PAPSS1: variants seen among roughly 807,000 people sequenced by gnomAD.
PAPSS1 encodes the protein bifunctional 3'-phosphoadenosine 5'-phosphosulfate synthase 1.
A neutral mutation model predicts 72.0 loss-of-function variants in PAPSS1; 50 were observed. The observed-to-expected ratio is 0.69, with a 90% CI of 0.55 to 0.88. PAPSS1 has a LOEUF of 0.88. Among genes scored for constraint, PAPSS1 ranks in the 40% least tolerant of loss-of-function variants. The pLI, the probability that PAPSS1 is intolerant of heterozygous loss-of-function variation, is 0.00. For synonymous variants in PAPSS1, 261 were observed against 263.6 expected, an observed-to-expected ratio of 0.99 and a Z score of 0.09; for missense variants, 657 against 782.2, an observed-to-expected ratio of 0.84 and a Z score of 1.91.
At position 107,645,070 on chromosome 4, in the gene PAPSS1, T is replaced by A. The variant is rs551616651; in HGVS notation, c.1238A>T (p.Asp413Val). The A allele has an allele frequency of 6.7e-7, 1 of 1,500,492 alleles. No individual in the cohort carries two copies. Among genetic ancestry groups the A allele is most frequent in the East Asian group, 2.4e-5 (1 of 41,804 alleles). 92.9% of individuals were successfully genotyped at this position (1,500,492 alleles called of 1,614,324 possible). A position where few individuals can be genotyped will look rare whatever the true frequency, so the allele number is the denominator to read the frequency against. Residue 413 changes from aspartate (D) to valine (V), a missense_variant and splice_region_variant, in exon 10 of 12, where the codon GAT becomes GTT. This residue lies in a region of PAPSS1 where 166 missense variants were observed against 228.3 expected (regional missense o/e 0.73). Transcript: ENST00000265174. ...LKQKFKDMNADAVFAFQLRNP... is the reference protein window; with the variant it reads ...LKQKFKDMNAVAVFAFQLRNP... ...GCGTAGTTGAAATGCAAAGACAGCA[T>A]CTGAAAAGAGAATTTCCAGAGTTAA...
At chr4:107,697,124 T>C (rs1465593553) in intron 2 of PAPSS1, among the ~76,000 whole-genome samples, 1 of 152,190 alleles carries the variant, frequency 6.6e-6, no homozygotes, top group Non-Finnish European at 1.5e-5. Flanking sequence ...CAAGCAGGTG[T>C]ACCAGCCACT....
chr4:107,615,824 AT>A (rs1277083947), intron 11 of PAPSS1, among the ~76,000 whole-genome samples: 1 of 152,182 alleles, frequency 6.6e-6, no homozygotes, highest in African/African-American at 2.4e-5. Flanking sequence ...CTATGATGGG[AT>A]TAATCCCCTT....
At chr4:107,619,163 G>GA (rs1281701946) in intron 11 of PAPSS1, among the ~76,000 whole-genome samples, 1 of 152,092 alleles carries the variant, frequency 6.6e-6, no homozygotes, top group African/African-American at 2.4e-5. Flanking sequence ...TAACTTTTTG[G>GA]AAAAAAGCCA....
chr4:107,699,250 T>G (rs911520497), intron 2 of PAPSS1, among the ~76,000 whole-genome samples: 1 of 151,216 alleles, frequency 6.6e-6, no homozygotes, highest in African/African-American at 2.4e-5. Context: ...TTACAAGATT[T>G]AGACAACACT....
At chr4:107,632,635 T>A (rs1156951419) in intron 10 of PAPSS1, among the ~76,000 whole-genome samples, 2 of 152,138 alleles carry the variant, frequency 1.3e-5, no homozygotes, top group African/African-American at 2.4e-5. Flanking sequence ...ATACCTAGAA[T>A]AATGAAACTT....
intron 3 of PAPSS1, 114 bp downstream of exon 3, chr4:107,693,657 G>T: frequency 1.5e-6 from 1 of 682,616 alleles, no homozygotes; most frequent in Non-Finnish European, 2.6e-6. Context: ...ATGGTAGCTG[G>T]GGAGGAGTAG....
At chr4:107,650,464 T>C (rs1341084774) in intron 9 of PAPSS1, among the ~76,000 whole-genome samples, 1 of 152,208 alleles carries the variant, frequency 6.6e-6, no homozygotes, top group Non-Finnish European at 1.5e-5. Context: ...TATGAATAAG[T>C]CCTTGATAAG....
chr4:107,718,614 T>G (rs1197203267), intron 1 of PAPSS1, among the ~76,000 whole-genome samples: 1 of 152,112 alleles, frequency 6.6e-6, no homozygotes, highest in Non-Finnish European at 1.5e-5. Context: ...ACACAAACCA[T>G]GAACTACCAG....
chr4:107,719,288 A>C lies in PAPSS1; in HGVS notation c.60+832T>G, dbSNP rs181563831. On this transcript the variant is annotated intron_variant, in intron 1 of 11. Coordinates refer to ENST00000265174, the MANE Select transcript of PAPSS1 (RefSeq NM_005443.5). ...GACTGTGAAATAACGTTTCCGTCTA[A>C]ACTTAAACCAGTGCCTTTCCAGACT... Among the ~76,000 whole-genome samples, 12 of 152,100 alleles carry C rather than the reference A, an allele frequency of 7.9e-5. No individual in the cohort carries two copies. In the East Asian group the frequency reaches 1.7e-3, roughly 22 times the overall value.
chr4:107,646,031 A>T (rs1258834456), intron 9 of PAPSS1, among the ~76,000 whole-genome samples: 1 of 152,138 alleles, frequency 6.6e-6, no homozygotes, highest in Non-Finnish European at 1.5e-5. Context: ...CAGCATGATC[A>T]TTACTCTTGG....
intron 6 of PAPSS1, among the ~76,000 whole-genome samples, chr4:107,658,172 A>G (rs796190860): frequency 2.6e-4 from 39 of 151,968 alleles, no homozygotes; most frequent in African/African-American, 9.4e-4. Context: ...TTGATACACA[A>G]TAAATAAGAA....
chr4:107,624,765 A>G (rs1315253413), intron 11 of PAPSS1, among the ~76,000 whole-genome samples: 1 of 152,242 alleles, frequency 6.6e-6, no homozygotes, highest in Non-Finnish European at 1.5e-5. Context: ...ATACAGGATG[A>G]GACTCATTGG....
intron 1 of PAPSS1, among the ~76,000 whole-genome samples, chr4:107,716,587 G>A (rs549767234): frequency 6.6e-6 from 1 of 152,190 alleles, no homozygotes; most frequent in Non-Finnish European, 1.5e-5. Flanking sequence ...ACCTGGGCCT[G>A]AACTGAGTGT....
chr4:107,644,769 A>C (rs371893998), intron 10 of PAPSS1, 33 bp downstream of exon 10: 2 of 1,573,770 alleles, frequency 1.3e-6, no homozygotes, highest in Non-Finnish European at 1.7e-6. Flanking sequence ...TGGCTTTAAC[A>C]CTGCTGCAGT....
At chr4:107,632,755 T>C (rs1175688015) in intron 10 of PAPSS1, among the ~76,000 whole-genome samples, 1 of 152,220 alleles carries the variant, frequency 6.6e-6, no homozygotes, top group African/African-American at 2.4e-5. Context: ...AAGTTTAGGA[T>C]AAACTCAGGC....
intron 9 of PAPSS1, among the ~76,000 whole-genome samples, chr4:107,649,040 G>T (rs1397755353): frequency 6.6e-6 from 1 of 152,192 alleles, no homozygotes; most frequent in Non-Finnish European, 1.5e-5. Flanking sequence ...CCAAATTAAA[G>T]TAAGATGTTG....
At chr4:107,706,999 AGCATATGGGT>A (rs1040448706) in intron 1 of PAPSS1, among the ~76,000 whole-genome samples, 37 of 152,240 alleles carry the variant, frequency 2.4e-4, no homozygotes, top group Non-Finnish European at 1.8e-4. Context: ...CTAGATGCTC[AGCATATGGGT>A]GCTGGCCTGG....
chr4:107,665,635 G>A (rs1047776175), intron 5 of PAPSS1, among the ~76,000 whole-genome samples: 2 of 151,990 alleles, frequency 1.3e-5, no homozygotes, highest in African/African-American at 4.8e-5. Flanking sequence ...CCTGAGCAGG[G>A]GATCAGTAAA....
intron 11 of PAPSS1, among the ~76,000 whole-genome samples, chr4:107,624,661 T>C (rs1380889610): frequency 6.6e-6 from 1 of 152,142 alleles, no homozygotes; most frequent in African/African-American, 2.4e-5. Flanking sequence ...TTCAAATGCA[T>C]ACTAGAAGAC....
Sources: gnomAD v4.1 joint callset for allele counts (sites outside exome capture counted in the v4.1 genomes callset) on GRCh38, gnomAD v4.1.1 for gene constraint, gnomAD v4.1.1 regional missense constraint, MANE v1.5 for transcripts, NCBI Gene and HGNC (gene_info 2026-07-23, HGNC 2026-07-21) for gene names.